Variants in CSRNP3 observed in about 807,000 individuals in gnomAD.
CSRNP3 encodes the protein cysteine/serine-rich nuclear protein 3.
CSRNP3 carries 12 observed loss-of-function variants against 48.0 expected under a neutral mutation model. The ratio of observed to expected loss-of-function variants is 0.25; its 90% confidence interval spans 0.16 to 0.41. The LOEUF (loss-of-function observed/expected upper bound fraction) is 0.41. CSRNP3 is among the 10% of genes least tolerant of loss of function. CSRNP3 has a pLI of 1.00. For synonymous variants in CSRNP3, 263 were observed against 269.7 expected (o/e 0.98, Z 0.24); for missense variants, 580 against 724.4 (o/e 0.80, Z 2.29).
At chr2:165,479,864 G>A (rs575702042) in intron 1 of CSRNP3, among the ~76,000 whole-genome samples, 6 of 148,814 alleles carry the variant, frequency 4.0e-5, no homozygotes, top group Admixed American at 6.8e-5. Flanking sequence ...CAGCCTGGGT[G>A]AGAGATGAGA....
chr2:165,492,595 C>G (rs570574839), intron 1 of CSRNP3, among the ~76,000 whole-genome samples: 5 of 152,026 alleles, frequency 3.3e-5, no homozygotes, highest in Admixed American at 1.3e-4. Flanking sequence ...GTCACCATAT[C>G]ACTTAATGGC....
At chr2:165,653,101 A>G (rs184381230) in intron 4 of CSRNP3, among the ~76,000 whole-genome samples, 2 of 152,096 alleles carry the variant, frequency 1.3e-5, no homozygotes, top group Non-Finnish European at 2.9e-5. Flanking sequence ...TTATGACTTC[A>G]TTTTGTGATG....
At chr2:165,597,951 A>G (rs893654563) in intron 4 of CSRNP3, among the ~76,000 whole-genome samples, 45 of 152,298 alleles carry the variant, frequency 3.0e-4, no homozygotes, top group African/African-American at 1.1e-3. Context: ...TGAAGGTTGC[A>G]GTACAGATTG....
chr2:165,663,095 C>T (rs1215958277), intron 5 of CSRNP3, among the ~76,000 whole-genome samples: 1 of 152,188 alleles, frequency 6.6e-6, no homozygotes, highest in African/African-American at 2.4e-5. Context: ...CACTTTACCT[C>T]CAGCCCTGCC....
intron 3 of CSRNP3, among the ~76,000 whole-genome samples, chr2:165,556,987 A>T (rs2105264204): frequency 6.6e-6 from 1 of 152,300 alleles, no homozygotes; most frequent in African/African-American, 2.4e-5. Flanking sequence ...AATATCTTTA[A>T]TATTCTCCTC....
intron 4 of CSRNP3, among the ~76,000 whole-genome samples, chr2:165,641,027 T>C (rs1299307655): frequency 6.6e-6 from 1 of 152,216 alleles, no homozygotes; most frequent in East Asian, 1.9e-4. Flanking sequence ...AACAATCCAT[T>C]TATCTTTTAC....
rs142279036 is a variant in CSRNP3 at position 165,495,485 on chromosome 2, C to G, written c.-113+557C>G. 1.7e-3 allele frequency among the ~76,000 whole-genome samples: 263 copies of G among 152,104 alleles called. 3 individuals are homozygous for G. Among genetic ancestry groups the G allele is most frequent in the Middle Eastern group, 0.014 (4 of 294 alleles). On this transcript the variant is annotated intron_variant, in intron 2 of 6. Coordinates refer to ENST00000651982, the MANE Select transcript of CSRNP3 (RefSeq NM_001172173.2). The stretch of plus-strand genomic sequence containing the variant: ...ATGTATATACTTCTCCCAAGCAGTT[C>G]ATGTGAATAATACCATCTAGCTTAG...
chr2:165,574,182 G>A, intron 3 of CSRNP3: 1 of 501,974 alleles, frequency 2.0e-6, no homozygotes, highest in South Asian at 3.4e-5. Context: ...TTCCGTTTCA[G>A]CTGCTGGAGG....
intron 1 of CSRNP3, among the ~76,000 whole-genome samples, chr2:165,470,713 C>T (rs1683883013): frequency 6.6e-6 from 1 of 151,924 alleles, no homozygotes; most frequent in East Asian, 1.9e-4. Flanking sequence ...AAACTGAACT[C>T]CCAGTCACTT....
intron 4 of CSRNP3, among the ~76,000 whole-genome samples, chr2:165,605,529 T>A (rs1685994988): frequency 6.6e-6 from 1 of 152,100 alleles, no homozygotes; most frequent in Non-Finnish European, 1.5e-5. Flanking sequence ...GAGCGATAGA[T>A]GAAATGAGAC....
chr2:165,637,404 T>G (rs577298161), intron 4 of CSRNP3, among the ~76,000 whole-genome samples: 61 of 152,326 alleles, frequency 4.0e-4, no homozygotes, highest in African/African-American at 1.4e-3. Context: ...ATTGTATACC[T>G]GGCATCACTA....
chr2:165,632,579 A>G (rs1304931265), intron 4 of CSRNP3, among the ~76,000 whole-genome samples: 2 of 152,220 alleles, frequency 1.3e-5, no homozygotes, highest in Admixed American at 1.3e-4. Flanking sequence ...TATCCCTGCA[A>G]TGGGACTTTA....
chr2:165,578,407 A>G (rs1413832181), intron 3 of CSRNP3, among the ~76,000 whole-genome samples: 1 of 152,038 alleles, frequency 6.6e-6, no homozygotes, highest in African/African-American at 2.4e-5. Context: ...GTCAACCACC[A>G]TTTCTTTGAA....
intron 2 of CSRNP3, among the ~76,000 whole-genome samples, chr2:165,496,552 A>G (rs1029043925): frequency 6.6e-6 from 1 of 152,066 alleles, no homozygotes; most frequent in South Asian, 2.1e-4. Flanking sequence ...GACAAGCAAT[A>G]GTACATATTT....
At chr2:165,508,022 C>T (rs1000796078) in intron 2 of CSRNP3, among the ~76,000 whole-genome samples, 2 of 151,888 alleles carry the variant, frequency 1.3e-5, no homozygotes, top group Admixed American at 1.3e-4. Context: ...TAGGTGCCAT[C>T]GACTGCTTGA....
chr2:165,596,174 C>G (rs1212969141), intron 4 of CSRNP3, among the ~76,000 whole-genome samples: 1 of 148,138 alleles, frequency 6.8e-6, no homozygotes, highest in Non-Finnish European at 1.5e-5. Context: ...GTAATGTCAG[C>G]CCTTCTGTCA....
intron 3 of CSRNP3, 139 bp from the exon 4 acceptor site, chr2:165,594,904 A>C: frequency 1.8e-6 from 1 of 546,130 alleles, no homozygotes; most frequent in East Asian, 3.0e-5. Flanking sequence ...AGAAAAAAAA[A>C]TCTGCTAAAG....
Position 165,501,946 on chromosome 2 carries a change from A to G in CSRNP3, c.-113+7018A>G, listed in dbSNP as rs145669691. On this transcript the variant is annotated intron_variant, in intron 2 of 6. Coordinates refer to ENST00000651982, the MANE Select transcript of CSRNP3 (RefSeq NM_001172173.2). ...TATAGTTTCATTAACCTTTAAATTT[A>G]TTACTAAATCAGAATTCAGCGTTCT... is the stretch of plus-strand genomic sequence containing the variant. Among the ~76,000 whole-genome samples the G allele has an allele frequency of 2.2e-4, 33 of 152,218 alleles. No individual in the cohort carries two copies. The East Asian group carries it at 5.6e-3, about 26-fold the overall frequency.
chr2:165,642,003 C>G (rs537775327), intron 4 of CSRNP3, among the ~76,000 whole-genome samples: 2 of 151,784 alleles, frequency 1.3e-5, no homozygotes, highest in African/African-American at 4.8e-5. Context: ...TTTCTTGTAA[C>G]AAATAGCCCA....
Sources: gnomAD v4.1 joint callset for allele counts (sites outside exome capture counted in the v4.1 genomes callset) on GRCh38, gnomAD v4.1.1 for gene constraint, MANE v1.5 for transcripts, NCBI Gene and HGNC (gene_info 2026-07-23, HGNC 2026-07-21) for gene names.